TAF4B: variants seen among roughly 807,000 people sequenced by gnomAD.
The protein encoded by TAF4B is TATA-box binding protein associated factor 4b.
Under a neutral mutation model 86.4 loss-of-function variants are expected in TAF4B, and 38 were observed. The observed-to-expected ratio is 0.44, with a 90% CI of 0.34 to 0.58. The LOEUF is 0.58. TAF4B is among the 20% of genes least tolerant of loss of function. The pLI is 0.02. For synonymous variants in TAF4B, 388 were observed against 391.2 expected (o/e 0.99, Z 0.10); for missense variants, 988 against 1,027.6 (o/e 0.96, Z 0.53).
chr18:26,345,387 C>T (rs564625882), intron 13 of TAF4B, among the ~76,000 whole-genome samples: 13 of 152,318 alleles, frequency 8.5e-5, no homozygotes, highest in South Asian at 8.3e-4. Flanking sequence ...GTCCTCGGGC[C>T]GGCTGAGCAA....
chr18:26,383,726 A>C lies in TAF4B; in HGVS notation c.2422-6119A>C, dbSNP rs141461429. ...TGTCACATCAGTGTTTTCTTCTGTA[A>C]AGTACTATTGAAACATAGACATTTA... On this transcript the variant is annotated intron_variant, in intron 14 of 14. Coordinates refer to ENST00000269142, the MANE Select transcript of TAF4B (RefSeq NM_005640.3). Among the ~76,000 whole-genome samples the C allele has an allele frequency of 1.8e-4, 27 of 152,284 alleles. No individual in the cohort carries two copies. The East Asian group carries it at 4.4e-3, about 25-fold the overall frequency.
intron 9 of TAF4B, among the ~76,000 whole-genome samples, chr18:26,304,147 G>A (rs2056769845): frequency 6.9e-6 from 1 of 144,576 alleles, no homozygotes. Context: ...TCAAGATTGA[G>A]ATTAGAATTA....
At position 26,300,307 on chromosome 18, in the gene TAF4B, T is replaced by TTTATTATTATTATTATTA. The variant is rs57272091; in HGVS notation, c.1832+6789_1832+6806dup. ...CCTGGCTTGTTTTCTAATGTAGGCATTTATTATTATTATTATTATTATTAT... is the reference window on the plus strand; with the variant it reads ...CCTGGCTTGTTTTCTAATGTAGGCATTTATTATTATTATTATTATTATTATTATTATTATTATTATTAT... On this transcript the variant is annotated intron_variant, in intron 9 of 14. Coordinates refer to ENST00000269142, the MANE Select transcript of TAF4B (RefSeq NM_005640.3). Among the ~76,000 whole-genome samples the TTTATTATTATTATTATTA allele has an allele frequency of 2.9e-3, 416 of 145,392 alleles. 4 individuals are homozygous for TTTATTATTATTATTATTA. Among genetic ancestry groups the TTTATTATTATTATTATTA allele is most frequent in the African/African-American group, 9.9e-3 (389 of 39,154 alleles).
Position 26,285,900 on chromosome 18 carries a change from C to A in TAF4B, c.991C>A (p.Arg331=), listed in dbSNP as rs143419622. 11,254 of 1,607,640 alleles carry A rather than the reference C, an allele frequency of 7.0e-3. 56 individuals are homozygous for A. Among genetic ancestry groups the A allele is most frequent in the Non-Finnish European group, 8.7e-3 (10,178 of 1,175,636 alleles). Residue 331 remains arginine, a synonymous_variant, in exon 7 of 15, where the codon CGA becomes AGA. Coordinates refer to ENST00000269142, the MANE Select transcript of TAF4B (RefSeq NM_005640.3). ...PFLKKSVVAL[R]QLLPNSQSFI... is the part of the protein sequence containing the mutation. Reference sequence around the variant, plus strand: ...TTTCCAGAAAAGCGTGGTTGCCTTACGACAACTTCTGCCTAACTCCCAGAG... The same window carrying A: ...TTTCCAGAAAAGCGTGGTTGCCTTAAGACAACTTCTGCCTAACTCCCAGAG...
chr18:26,281,366 T>A (rs2056447270), intron 5 of TAF4B, among the ~76,000 whole-genome samples: 1 of 152,212 alleles, frequency 6.6e-6, no homozygotes, highest in Non-Finnish European at 1.5e-5. Flanking sequence ...CACCGCACAA[T>A]TATAATCTTT....
In TAF4B at chr18:26,346,801, G is replaced by A. The variant is rs8098427; in HGVS notation, c.2317-10889G>A. The stretch of plus-strand genomic sequence containing the variant: ...TGTGTGTATATATATATATATATGT[G>A]TATATATATATATATGTGTGTGTAT... On this transcript the variant is annotated intron_variant, in intron 13 of 14. Coordinates refer to ENST00000269142, the MANE Select transcript of TAF4B (RefSeq NM_005640.3). 7.0e-3 allele frequency among the ~76,000 whole-genome samples: 128 copies of A among 18,190 alleles called. 13 individuals carry two copies. The highest frequency in any genetic ancestry group is 0.017 in the Non-Finnish European group (99 of 5,828). The allele number at this position is 18,190 out of a possible 152,430, so 11.9% of individuals were successfully genotyped here.
intron 14 of TAF4B, chr18:26,366,283 A>G (rs186997367): frequency 6.6e-6 from 1 of 152,306 alleles, no homozygotes; most frequent in African/African-American, 2.4e-5. Flanking sequence ...CAATGCCAAC[A>G]TTTTATGAAA....
chr18:26,263,357 C>T (rs561219530), intron 1 of TAF4B, among the ~76,000 whole-genome samples: 1 of 152,206 alleles, frequency 6.6e-6, no homozygotes, highest in Non-Finnish European at 1.5e-5. Context: ...ATTGTACTAC[C>T]ACCACCAAGA....
intron 9 of TAF4B, among the ~76,000 whole-genome samples, chr18:26,298,856 T>A (rs1218581687): frequency 6.7e-4 from 24 of 35,556 alleles, no homozygotes; most frequent in African/African-American, 2.5e-3. Context: ...ATTGCCTTTT[T>A]TTTTTTTTTT....
chr18:26,387,908 G>C (rs1978472827), intron 14 of TAF4B, among the ~76,000 whole-genome samples: 1 of 152,160 alleles, frequency 6.6e-6, no homozygotes, highest in Non-Finnish European at 1.5e-5. Flanking sequence ...GTCATGCTGT[G>C]AACATGCATG....
At chr18:26,364,955 TC>T (rs2057361010) in intron 14 of TAF4B, among the ~76,000 whole-genome samples, 1 of 151,574 alleles carries the variant, frequency 6.6e-6, no homozygotes, top group Admixed American at 6.6e-5. Context: ...TTAGTATATG[TC>T]CTCTCCTTCT....
intron 13 of TAF4B, among the ~76,000 whole-genome samples, chr18:26,340,734 T>C (rs1791743): frequency 0.93 from 141,440 of 152,124 alleles, 66,074 homozygotes; most frequent in East Asian, 0.99. Context: ...ACACTGAGAA[T>C]CATTGATCTA....
intron 5 of TAF4B, among the ~76,000 whole-genome samples, chr18:26,280,913 C>T (rs1206095959): frequency 2.0e-5 from 3 of 152,058 alleles, no homozygotes; most frequent in Non-Finnish European, 4.4e-5. Flanking sequence ...TGTTAATTGA[C>T]AGTGGGTTGG....
At chr18:26,337,500 G>T (rs539453732) in intron 13 of TAF4B, among the ~76,000 whole-genome samples, 21 of 150,134 alleles carry the variant, frequency 1.4e-4, no homozygotes, top group African/African-American at 5.1e-4. Flanking sequence ...CTCAGCTCAG[G>T]CAGCCTCCAC....
intron 1 of TAF4B, among the ~76,000 whole-genome samples, chr18:26,229,494 C>CTTTTTTTTTTTTTTTTTTTT (rs34261854): frequency 3.1e-5 from 4 of 129,376 alleles, no homozygotes; most frequent in Non-Finnish European, 4.8e-5. Context: ...TTCTTTCTTT[C>CTTTTTTTTTTTTTTTTTTTT]TTTTTTTTTT....
At chr18:26,355,041 T>C (rs538601789) in intron 13 of TAF4B, among the ~76,000 whole-genome samples, 1 of 152,304 alleles carries the variant, frequency 6.6e-6, no homozygotes, top group South Asian at 2.1e-4. Context: ...TCTCCATTTG[T>C]TTATTTATTT....
intron 11 of TAF4B, among the ~76,000 whole-genome samples, chr18:26,323,701 T>C (rs549200567): frequency 3.3e-5 from 5 of 152,156 alleles, no homozygotes; most frequent in Non-Finnish European, 5.9e-5. Flanking sequence ...AATGTCCTTG[T>C]TTGTCTCTTT....
chr18:26,328,628 T>G (rs2057026410), intron 12 of TAF4B, among the ~76,000 whole-genome samples: 1 of 152,104 alleles, frequency 6.6e-6, no homozygotes, highest in Admixed American at 6.6e-5. Context: ...TTTGTTTTAT[T>G]TTTTTGTTTT....
chr18:26,346,785 ATATATATATATATGTG>A (rs1567913676), intron 13 of TAF4B, among the ~76,000 whole-genome samples: 25 of 21,410 alleles, frequency 1.2e-3, no homozygotes, highest in Non-Finnish European at 2.8e-3. Context: ...GTGTGTGTAT[ATATATATATATATGTG>A]TATATATATA....
Sources: allele counts gnomAD v4.1 joint callset (sites outside exome capture counted in the v4.1 genomes callset), GRCh38; gene constraint gnomAD v4.1.1; transcripts MANE v1.5; gene names NCBI Gene and HGNC (gene_info 2026-07-23, HGNC 2026-07-21).